The following NEK11 variants were observed in gnomAD, a reference collection of about 807,000 sequenced individuals.
The protein encoded by NEK11 is serine/threonine-protein kinase Nek11.
Under a neutral mutation model 80.7 loss-of-function variants are expected in NEK11, and 72 were observed. That is an observed-to-expected ratio of 0.89 (90% CI 0.74 to 1.08). The LOEUF is 1.08. Ranked by LOEUF, NEK11 falls within the 50% of genes least tolerant of loss-of-function variation. NEK11 has a pLI of 0.00. For synonymous variants in NEK11, 251 were observed against 260.7 expected (o/e 0.96, Z 0.36); for missense variants, 764 against 763.6 (o/e 1.00, Z -0.01).
At chr3:131,310,716 T>TA (rs1053534671) in intron 17 of NEK11, among the ~76,000 whole-genome samples, 3 of 152,008 alleles carry the variant, frequency 2.0e-5, no homozygotes, top group African/African-American at 7.2e-5. Context: ...AGAAAAAAAA[T>TA]ACAGTGTGTA....
intron 14 of NEK11, among the ~76,000 whole-genome samples, chr3:131,227,426 A>G (rs1376705348): frequency 2.0e-5 from 3 of 152,120 alleles, no homozygotes; most frequent in Non-Finnish European, 2.9e-5. Context: ...CAGCCACTCT[A>G]CTAGATTACA....
chr3:131,100,684 A>T (rs2078239867), intron 4 of NEK11, among the ~76,000 whole-genome samples: 1 of 152,106 alleles, frequency 6.6e-6, no homozygotes, highest in African/African-American at 2.4e-5. Flanking sequence ...TTCATCATGG[A>T]TATTGGCCTG....
intron 3 of NEK11, among the ~76,000 whole-genome samples, chr3:131,063,526 A>C (rs2071312034): frequency 2.0e-5 from 3 of 152,192 alleles, no homozygotes; most frequent in African/African-American, 7.2e-5. Flanking sequence ...AAACAGAAGC[A>C]AGAAAAAGGA....
At chr3:131,027,759 T>G (rs2064107201) in intron 1 of NEK11, 171 bp from the exon 2 acceptor site, 1 of 30,834 alleles carries the variant, frequency 3.2e-5, no homozygotes, top group African/African-American at 1.3e-4. Context: ...GGGATGGGGG[T>G]GGCAGGGCTG....
At position 131,132,822 on chromosome 3, in the gene NEK11, A is replaced by G. The variant is rs780835666; in HGVS notation, c.520+13A>G. On this transcript the variant is annotated intron_variant, in intron 6 of 17. Transcript: ENST00000383366. ...CTCCTTAAAATTGGTAAGATTTTAAAAAGTATGAATTCCAAAAACGCAGAA... is the reference window on the plus strand; with the variant it reads ...CTCCTTAAAATTGGTAAGATTTTAAGAAGTATGAATTCCAAAAACGCAGAA... 13 of 1,287,308 alleles carry G rather than the reference A, an allele frequency of 1.0e-5. No individual in the cohort carries two copies. The East Asian group carries it at 3.1e-4, about 31-fold the overall frequency. The allele number at this position is 1,287,308 out of a possible 1,614,324, so 79.7% of individuals were successfully genotyped here. A position where few individuals can be genotyped will look rare whatever the true frequency, so the allele number is the denominator to read the frequency against.
intron 14 of NEK11, among the ~76,000 whole-genome samples, chr3:131,203,757 GTGTGTGTGTGTATATATATA>G (rs2094338210): frequency 1.6e-4 from 6 of 37,034 alleles, no homozygotes; most frequent in African/African-American, 5.8e-4. Context: ...ATGTGTGTGT[GTGTGTGTGTGTATATATATA>G]TATATATATA....
At chr3:131,115,930 CTTTCTTTCT>C (rs2149401329) in intron 5 of NEK11, among the ~76,000 whole-genome samples, 1 of 111,240 alleles carries the variant, frequency 9.0e-6, no homozygotes, top group East Asian at 2.5e-4. Context: ...TTCTTTCTTT[CTTTCTTTCT>C]TTCTTTCTTT....
At chr3:131,142,328 A>G (rs935075134) in intron 7 of NEK11, among the ~76,000 whole-genome samples, 8 of 152,224 alleles carry the variant, frequency 5.3e-5, no homozygotes, top group Non-Finnish European at 1.0e-4. Flanking sequence ...CAGCTGGGCT[A>G]TAGAAAACTG....
At chr3:131,051,569 C>G (rs1270396386) in intron 3 of NEK11, among the ~76,000 whole-genome samples, 2 of 152,144 alleles carry the variant, frequency 1.3e-5, no homozygotes, top group Admixed American at 6.5e-5. Flanking sequence ...AAACCCATAC[C>G]TTTCACACAA....
intron 17 of NEK11, among the ~76,000 whole-genome samples, chr3:131,345,427 C>T (rs758832159): frequency 3.2e-4 from 49 of 152,138 alleles, no homozygotes; most frequent in Non-Finnish European, 6.2e-4. Context: ...AAATGGCCAA[C>T]GGATATGAAA....
At chr3:131,117,050 AC>A (rs1560483594) in intron 5 of NEK11, among the ~76,000 whole-genome samples, 1 of 152,058 alleles carries the variant, frequency 6.6e-6, no homozygotes, top group Non-Finnish European at 1.5e-5. Context: ...AAGTCCTTGC[AC>A]ATGCCTATGT....
intron 3 of NEK11, among the ~76,000 whole-genome samples, chr3:131,042,221 T>TC (rs397754010): frequency 2.0e-5 from 3 of 151,692 alleles, no homozygotes; most frequent in East Asian, 1.9e-4. Flanking sequence ...GTTTTTTTTT[T>TC]CCCTGTATCC....
intron 7 of NEK11, among the ~76,000 whole-genome samples, chr3:131,143,724 T>G (rs1232386587): frequency 1.3e-5 from 2 of 152,006 alleles, no homozygotes; most frequent in Non-Finnish European, 2.9e-5. Context: ...ATAATATTGT[T>G]CCTTAAGTAC....
intron 17 of NEK11, among the ~76,000 whole-genome samples, chr3:131,336,986 G>A (rs2097196206): frequency 6.6e-6 from 1 of 152,064 alleles, no homozygotes. Context: ...AGAGGATGTG[G>A]AGAAATAGGA....
intron 11 of NEK11, among the ~76,000 whole-genome samples, chr3:131,163,076 AG>A (rs2091832185): frequency 6.6e-6 from 1 of 152,196 alleles, no homozygotes; most frequent in South Asian, 2.1e-4. Flanking sequence ...TACATGAAAA[AG>A]TGAAATTTCA....
At chr3:131,267,414 T>C (rs2108579542) in intron 16 of NEK11, among the ~76,000 whole-genome samples, 1 of 152,262 alleles carries the variant, frequency 6.6e-6, no homozygotes, top group East Asian at 1.9e-4. Context: ...CATTTGTTTG[T>C]CTGTAAAGGA....
intron 17 of NEK11, among the ~76,000 whole-genome samples, chr3:131,285,980 A>G (rs2096465569): frequency 6.6e-6 from 1 of 152,194 alleles, no homozygotes; most frequent in Non-Finnish European, 1.5e-5. Flanking sequence ...TCAGAGCCTC[A>G]GTTTCTTCAC....
chr3:131,074,621 A>C (rs1373745063), intron 3 of NEK11, among the ~76,000 whole-genome samples: 2 of 152,226 alleles, frequency 1.3e-5, no homozygotes, highest in Non-Finnish European at 2.9e-5. Flanking sequence ...ACACTCTTCT[A>C]CTGGATATTG....
intron 17 of NEK11, among the ~76,000 whole-genome samples, chr3:131,311,037 A>T (rs556174370): frequency 6.6e-6 from 1 of 152,262 alleles, no homozygotes; most frequent in South Asian, 2.1e-4. Context: ...GGTTCCTGGG[A>T]TCCCTCATCC....
Sources: allele counts gnomAD v4.1 joint callset (sites outside exome capture counted in the v4.1 genomes callset), GRCh38; gene constraint gnomAD v4.1.1; transcripts MANE v1.5; gene names NCBI Gene and HGNC (gene_info 2026-07-23, HGNC 2026-07-21).